Variants in ARHGAP15 observed in about 807,000 individuals in gnomAD.
ARHGAP15 encodes the protein rho GTPase-activating protein 15.
In ARHGAP15, 51 loss-of-function variants were observed where a neutral mutation model predicts 63.7. The observed-to-expected ratio is 0.80, with a 90% CI of 0.64 to 1.01. ARHGAP15 has a LOEUF of 1.01. Among genes scored for constraint, ARHGAP15 ranks in the 50% least tolerant of loss-of-function variants. ARHGAP15 has a pLI of 0.00. For synonymous variants in ARHGAP15, 191 were observed against 193.8 expected, an observed-to-expected ratio of 0.99 and a Z score of 0.12; for missense variants, 560 against 564.6, an observed-to-expected ratio of 0.99 and a Z score of 0.08.
At chr2:143,543,513 T>G (rs1190762570) in intron 10 of ARHGAP15, among the ~76,000 whole-genome samples, 3 of 152,150 alleles carry the variant, frequency 2.0e-5, no homozygotes. Context: ...GCCACTCCAC[T>G]CTGTTGATTG....
At chr2:143,435,281 C>G in intron 6 of ARHGAP15, 1 of 1,010,306 alleles carries the variant, frequency 9.9e-7, no homozygotes, top group East Asian at 9.5e-5. Flanking sequence ...TCTGCGGGTT[C>G]TGACTTAAGT....
chr2:143,433,229 A>C (rs1689466116), intron 6 of ARHGAP15, among the ~76,000 whole-genome samples: 1 of 152,126 alleles, frequency 6.6e-6, no homozygotes, highest in African/African-American at 2.4e-5. Flanking sequence ...TTTACCAGTC[A>C]AAGATTTTGA....
In ARHGAP15 at chr2:143,311,451, T is replaced by C. The variant is rs993411875; in HGVS notation, c.474+60851T>C. Among the ~76,000 whole-genome samples the C allele has an allele frequency of 2.0e-5, 3 of 152,242 alleles. No homozygotes were observed. The East Asian group carries it at 5.8e-4, about 29-fold the overall frequency. On this transcript the variant is annotated intron_variant, in intron 6 of 13. Transcript: ENST00000295095. ...TTCATGAGAGGATTAATCTCTTGGA[T>C]GTGACATAAAACTAGAGAGGAAAGA...
chr2:143,440,913 A>G (rs965502109), intron 8 of ARHGAP15, among the ~76,000 whole-genome samples: 1 of 152,202 alleles, frequency 6.6e-6, no homozygotes, highest in African/African-American at 2.4e-5. Context: ...ACTGACAGCA[A>G]AGAGGGGGAA....
intron 11 of ARHGAP15, among the ~76,000 whole-genome samples, chr2:143,579,998 A>G (rs961453457): frequency 7.0e-6 from 1 of 142,184 alleles, no homozygotes; most frequent in Admixed American, 6.9e-5. Flanking sequence ...TCTTCAAAAC[A>G]TTTGTTTTAT....
At chr2:143,715,223 A>T (rs560023803) in intron 13 of ARHGAP15, among the ~76,000 whole-genome samples, 7 of 152,264 alleles carry the variant, frequency 4.6e-5, no homozygotes, top group African/African-American at 1.7e-4. Context: ...CCCCTGATAA[A>T]CCCATCAGAT....
chr2:143,629,990 G>C (rs571666932), intron 12 of ARHGAP15, among the ~76,000 whole-genome samples: 3 of 152,188 alleles, frequency 2.0e-5, no homozygotes, highest in East Asian at 1.9e-4. Context: ...ATATTGCCTT[G>C]AGCAATAGCT....
At chr2:143,497,419 G>T (rs570748194) in intron 9 of ARHGAP15, among the ~76,000 whole-genome samples, 1 of 152,146 alleles carries the variant, frequency 6.6e-6, no homozygotes, top group Non-Finnish European at 1.5e-5. Context: ...AGAAAAAGAT[G>T]CAGGGCCCTT....
chr2:143,243,534 A>G (rs1693942642), intron 5 of ARHGAP15, among the ~76,000 whole-genome samples: 1 of 152,128 alleles, frequency 6.6e-6, no homozygotes, highest in Non-Finnish European at 1.5e-5. Flanking sequence ...ATTTTTTAAA[A>G]AGTGTATTTT....
intron 12 of ARHGAP15, among the ~76,000 whole-genome samples, chr2:143,625,644 A>G (rs1698807761): frequency 6.6e-6 from 1 of 152,190 alleles, no homozygotes; most frequent in South Asian, 2.1e-4. Flanking sequence ...ATTTGAAAAG[A>G]AGAAATAAAA....
At chr2:143,748,663 G>T (rs1686257718) in intron 13 of ARHGAP15, among the ~76,000 whole-genome samples, 1 of 152,162 alleles carries the variant, frequency 6.6e-6, no homozygotes, top group South Asian at 2.1e-4. Context: ...TTATTTTCCA[G>T]TACATTTGGC....
chr2:143,254,674 C>T (rs533508681), intron 6 of ARHGAP15, among the ~76,000 whole-genome samples: 16 of 152,122 alleles, frequency 1.1e-4, no homozygotes, highest in African/African-American at 3.4e-4. Context: ...AAATTTAGTA[C>T]TTAAATATCC....
Position 143,339,394 on chromosome 2 carries a change from A to G in ARHGAP15, c.474+88794A>G, listed in dbSNP as rs1684952327. Among the ~76,000 whole-genome samples the G allele has an allele frequency of 2.6e-5, 4 of 152,146 alleles. No individual in the cohort carries two copies. The South Asian group carries it at 8.3e-4, about 32-fold the overall frequency. ...ATAGGGTCAGATTCACAAACTTTTGATAGTCAGATACAGGATACAGCAATG... is the reference window on the plus strand; with the variant it reads ...ATAGGGTCAGATTCACAAACTTTTGGTAGTCAGATACAGGATACAGCAATG... On this transcript the variant is annotated intron_variant, in intron 6 of 13. Coordinates refer to ENST00000295095, the MANE Select transcript of ARHGAP15 (RefSeq NM_018460.4).
chr2:143,724,816 T>C (rs1260872231), intron 13 of ARHGAP15, among the ~76,000 whole-genome samples: 2 of 152,156 alleles, frequency 1.3e-5, no homozygotes, highest in South Asian at 4.1e-4. Context: ...GAAAATAAAA[T>C]TCACAACGAT....
At chr2:143,130,048 A>T (rs376732083) in intron 1 of ARHGAP15, among the ~76,000 whole-genome samples, 4 of 152,100 alleles carry the variant, frequency 2.6e-5, no homozygotes, top group African/African-American at 9.6e-5. Flanking sequence ...TTCATTTAAG[A>T]TATAGGGTGA....
chr2:143,505,188 A>G (rs4392188), intron 9 of ARHGAP15, among the ~76,000 whole-genome samples: 14,423 of 152,198 alleles, frequency 0.095, 882 homozygotes, highest in South Asian at 0.15. Context: ...TCTTGCAAGT[A>G]AGCATCCATG....
chr2:143,413,966 TGC>T (rs1553476592), intron 6 of ARHGAP15, among the ~76,000 whole-genome samples: 25 of 117,924 alleles, frequency 2.1e-4, no homozygotes, highest in African/African-American at 8.5e-4. Flanking sequence ...TGTGTGTGTG[TGC>T]GCGCTCTCTG....
chr2:143,661,367 T>TAAAC (rs910779377), intron 12 of ARHGAP15, among the ~76,000 whole-genome samples: 1 of 152,178 alleles, frequency 6.6e-6, no homozygotes, highest in African/African-American at 2.4e-5. Flanking sequence ...GCTTACATGA[T>TAAAC]AAACACTTGA....
intron 6 of ARHGAP15, among the ~76,000 whole-genome samples, chr2:143,329,015 CA>C (rs1684385114): frequency 6.6e-6 from 1 of 152,152 alleles, no homozygotes; most frequent in East Asian, 1.9e-4. Flanking sequence ...AAAATGAAAG[CA>C]ACTTGTACAT....
Sources: allele counts gnomAD v4.1 joint callset (sites outside exome capture counted in the v4.1 genomes callset), GRCh38; gene constraint gnomAD v4.1.1; transcripts MANE v1.5; gene names NCBI Gene and HGNC (gene_info 2026-07-23, HGNC 2026-07-21).